The following ZBTB20 variants were observed in gnomAD, a reference collection of about 807,000 sequenced individuals.
ZBTB20 encodes the protein zinc finger and BTB domain-containing protein 20.
ZBTB20 carries 9 observed loss-of-function variants against 56.9 expected under a neutral mutation model. The ratio of observed to expected loss-of-function variants is 0.16; its 90% CI spans 0.10 to 0.28. The LOEUF is 0.28. Ranked by LOEUF, ZBTB20 falls within the 10% of genes least tolerant of loss-of-function variation. The pLI is 1.00. For missense variants in ZBTB20, 655 were observed against 1,003.0 expected (o/e 0.65, Z 4.69); for synonymous variants, 417 against 420.7 (o/e 0.99, Z 0.11).
intron 7 of ZBTB20, among the ~76,000 whole-genome samples, chr3:114,462,599 T>C (rs941592425): frequency 9.2e-5 from 14 of 152,190 alleles, no homozygotes; most frequent in African/African-American, 2.9e-4. Context: ...CAATTGATTA[T>C]GGTCACATAT....
chr3:114,429,507 A>G (rs1176755653), intron 7 of ZBTB20, among the ~76,000 whole-genome samples: 1 of 152,196 alleles, frequency 6.6e-6, no homozygotes, highest in Non-Finnish European at 1.5e-5. Flanking sequence ...GCTCAGAAAC[A>G]GAGCTCTCTA....
At chr3:115,015,501 T>C (rs1297153350) in intron 2 of ZBTB20, among the ~76,000 whole-genome samples, 1 of 151,694 alleles carries the variant, frequency 6.6e-6, no homozygotes, top group African/African-American at 2.4e-5. Flanking sequence ...CAGTATGTGT[T>C]GTCCCCCTCC....
chr3:115,026,152 T>C (rs978440564), intron 2 of ZBTB20, among the ~76,000 whole-genome samples: 2 of 150,788 alleles, frequency 1.3e-5, no homozygotes, highest in African/African-American at 4.8e-5. Flanking sequence ...GATGTTCAAT[T>C]TGGGGGTCAA....
intron 4 of ZBTB20, among the ~76,000 whole-genome samples, chr3:114,894,090 T>C (rs916604390): frequency 4.9e-5 from 7 of 141,766 alleles, no homozygotes; most frequent in Admixed American, 4.4e-4. Flanking sequence ...CTTTGGGCTT[T>C]TGACTGAGTT....
chr3:114,575,161 T>C (rs2053874140), intron 6 of ZBTB20, among the ~76,000 whole-genome samples: 1 of 152,186 alleles, frequency 6.6e-6, no homozygotes, highest in Non-Finnish European at 1.5e-5. Flanking sequence ...GACTTTTAGA[T>C]AGAGAATAAT....
At chr3:114,685,763 G>A (rs1036868331) in intron 6 of ZBTB20, among the ~76,000 whole-genome samples, 3 of 152,096 alleles carry the variant, frequency 2.0e-5, no homozygotes, top group Non-Finnish European at 2.9e-5. Flanking sequence ...TCTGTCAGTA[G>A]TGAGACCAAC....
chr3:114,533,710 A>G (rs1175986617), intron 6 of ZBTB20, among the ~76,000 whole-genome samples: 4 of 152,176 alleles, frequency 2.6e-5, no homozygotes, highest in Non-Finnish European at 5.9e-5. Flanking sequence ...ATTGAAATGA[A>G]GGAAAAAATG....
rs555109826 is a variant in ZBTB20, at chr3:114,717,667, A to G, written c.-342-24092T>C. Among the ~76,000 whole-genome samples, 5 of 152,252 alleles carry G rather than the reference A, an allele frequency of 3.3e-5. 1 individual carries two copies. The South Asian group carries it at 1.0e-3, about 32-fold the overall frequency. On this transcript the variant is annotated intron_variant, in intron 5 of 11. Transcript: ENST00000675478. The stretch of plus-strand genomic sequence containing the variant: ...ACCCCCCATTTTGATTCTTCCTTTC[A>G]TAACAAAATGTATTAGAAAAATTGT...
At chr3:115,094,427 T>G (rs2083305801) in intron 1 of ZBTB20, among the ~76,000 whole-genome samples, 1 of 152,208 alleles carries the variant, frequency 6.6e-6, no homozygotes, top group Admixed American at 6.5e-5. Context: ...TCTTGGTGCC[T>G]AAATAAGATA....
chr3:114,796,414 T>C (rs547424911), intron 5 of ZBTB20, among the ~76,000 whole-genome samples: 2 of 152,140 alleles, frequency 1.3e-5, no homozygotes, highest in South Asian at 4.1e-4. Context: ...GGATGTCATG[T>C]ATATTGATTA....
At chr3:114,710,694 C>A (rs776607341) in intron 5 of ZBTB20, among the ~76,000 whole-genome samples, 4 of 152,200 alleles carry the variant, frequency 2.6e-5, no homozygotes, top group Non-Finnish European at 5.9e-5. Flanking sequence ...TGCCATTGCC[C>A]TTTGCATAAC....
At chr3:114,774,777 T>TC (rs1491097187) in intron 5 of ZBTB20, among the ~76,000 whole-genome samples, 4 of 152,212 alleles carry the variant, frequency 2.6e-5, no homozygotes, top group Non-Finnish European at 2.9e-5. Flanking sequence ...GGCATGATGT[T>TC]CTTTTTTTGT....
At chr3:114,803,437 G>A (rs1052365661) in intron 4 of ZBTB20, among the ~76,000 whole-genome samples, 16 of 151,730 alleles carry the variant, frequency 1.1e-4, no homozygotes, top group African/African-American at 3.1e-4. Flanking sequence ...CCATTTTGTG[G>A]CACTCAGGCA....
intron 7 of ZBTB20, among the ~76,000 whole-genome samples, chr3:114,474,662 C>T (rs2040538680): frequency 6.6e-6 from 1 of 152,180 alleles, no homozygotes; most frequent in African/African-American, 2.4e-5. Flanking sequence ...GCTTTCCCCT[C>T]CCAACCCTTC....
intron 6 of ZBTB20, among the ~76,000 whole-genome samples, chr3:114,610,933 AT>A: frequency 6.6e-6 from 1 of 152,194 alleles, no homozygotes; most frequent in East Asian, 1.9e-4. Flanking sequence ...TAAGTAATAT[AT>A]TAGTCAAATT....
rs115450292 is a variant in ZBTB20, at chr3:115,013,169, G to A, written c.-506-38753C>T. The stretch of plus-strand genomic sequence containing the variant: ...GCATATTAAAGAACTTCAAAAGCAA[G>A]AGCAAATCAAACACAAAATTAGTGG... On this transcript the variant is annotated intron_variant, in intron 2 of 11. Transcript: ENST00000675478. Among the ~76,000 whole-genome samples, 691 of 151,282 alleles carry A rather than the reference G, an allele frequency of 4.6e-3. 4 individuals are homozygous for A. Among genetic ancestry groups the A allele is most frequent in the African/African-American group, 0.016 (658 of 41,358 alleles).
intron 5 of ZBTB20, among the ~76,000 whole-genome samples, chr3:114,719,986 C>T (rs2064799379): frequency 6.6e-6 from 1 of 150,678 alleles, no homozygotes; most frequent in South Asian, 2.1e-4. Context: ...ATAATGAGGC[C>T]AAATAATGCA....
chr3:114,461,471 T>TA (rs1218517548), intron 7 of ZBTB20, among the ~76,000 whole-genome samples: 1 of 152,084 alleles, frequency 6.6e-6, no homozygotes, highest in Non-Finnish European at 1.5e-5. Flanking sequence ...CATGCCAGGC[T>TA]AATTTTTAAA....
chr3:115,005,655 A>C lies in ZBTB20; in HGVS notation c.-506-31239T>G, dbSNP rs2079434814. ...CAAAGAGAGAGAGTAGGTAACAATCAAGGTGATTCAGGACTTAACTGACAA... is the reference window on the plus strand; with the variant it reads ...CAAAGAGAGAGAGTAGGTAACAATCCAGGTGATTCAGGACTTAACTGACAA... On this transcript the variant is annotated intron_variant, in intron 2 of 11. Transcript: ENST00000675478. 4.6e-5 allele frequency among the ~76,000 whole-genome samples: 7 copies of C among 151,928 alleles called. No individual in the cohort carries two copies. The South Asian group carries it at 1.5e-3, about 31-fold the overall frequency.
Sources: gnomAD v4.1 joint callset for allele counts (sites outside exome capture counted in the v4.1 genomes callset) on GRCh38, gnomAD v4.1.1 for gene constraint, MANE v1.5 for transcripts, NCBI Gene and HGNC (gene_info 2026-07-23, HGNC 2026-07-21) for gene names.